The following ABHD6 variants were observed in gnomAD, a reference collection of about 807,000 sequenced individuals.
ABHD6 encodes the protein abhydrolase domain containing 6, acylglycerol lipase.
In ABHD6, 33 loss-of-function variants were observed where a neutral mutation model predicts 38.8. That is an observed-to-expected ratio of 0.85 (90% confidence interval 0.64 to 1.14). The LOEUF is 1.14. Among genes scored for constraint, ABHD6 ranks in the 50% most tolerant of loss-of-function variants. The pLI, the probability that ABHD6 is intolerant of heterozygous loss-of-function variation, is 0.00. For missense variants in ABHD6, 380 were observed against 422.6 expected (o/e 0.90, Z 0.88); for synonymous variants, 147 against 161.6 (o/e 0.91, Z 0.69).
rs1055915392 is a variant in ABHD6 at position 58,251,367 on chromosome 3, G to A, written c.-26+1425G>A. Among the ~76,000 whole-genome samples the A allele has an allele frequency of 4.6e-5, 7 of 151,870 alleles. No individual in the cohort carries two copies. Among genetic ancestry groups the A allele is most frequent in the South Asian group, 2.1e-4 (1 of 4,820 alleles). On this transcript the variant is annotated intron_variant, in intron 2 of 9. Transcript: ENST00000478253. This position sits in a 1 kb window ranked among gnomAD's most constrained non-coding sequence, Gnocchi z 5.4. ...CAGAAATCAGTAAGTCAGGCGAAGCGAGGAGAGATGTGTCTATGAGATTCT... is the reference window on the plus strand; with the variant it reads ...CAGAAATCAGTAAGTCAGGCGAAGCAAGGAGAGATGTGTCTATGAGATTCT...
chr3:58,293,643 G>C lies in ABHD6; in HGVS notation c.892G>C (p.Val298Leu). The change falls in exon 10 of 10, where the codon GTG (valine) becomes CTG (leucine). Residue 298 changes from valine to leucine, a missense_variant. Transcript: ENST00000478253. This position sits in a 1 kb window ranked among gnomAD's most constrained non-coding sequence, Gnocchi z 4.4. Reference sequence around the variant, plus strand: ...GGCCAAGTCAATTGCCAACTGCCAGGTGGAGCTTCTGGAAAACTGTGGGCA... The same window carrying C: ...GGCCAAGTCAATTGCCAACTGCCAGCTGGAGCTTCTGGAAAACTGTGGGCA... Reference protein sequence around the residue: ...MLAKSIANCQVELLENCGHSV... With the variant: ...MLAKSIANCQLELLENCGHSV... 1 of 1,614,218 alleles carries C rather than the reference G, an allele frequency of 6.2e-7. No homozygotes were observed. The highest frequency in any genetic ancestry group is 8.5e-7 in the Non-Finnish European group (1 of 1,180,042).
In ABHD6 at chr3:58,257,040, T is replaced by C. The variant is rs540829549; in HGVS notation, c.119+335T>C. ...TGCTTCAGCCTCCAAGTAGCTGAGA[T>C]TTTACAGGTGTATGCCACCACGCCC... On this transcript the variant is annotated intron_variant, in intron 3 of 9. Coordinates refer to ENST00000478253, the MANE Select transcript of ABHD6 (RefSeq NM_001320126.2). This position sits in a 1 kb window ranked among gnomAD's most constrained non-coding sequence, Gnocchi z 4.8. Among the ~76,000 whole-genome samples, 1 of 152,018 alleles carries C rather than the reference T, an allele frequency of 6.6e-6. No homozygotes were observed. The highest frequency in any genetic ancestry group is 2.0e-4 in the East Asian group (1 of 5,120).
At chr3:58,290,767 C>T (rs2097461970) in intron 9 of ABHD6, among the ~76,000 whole-genome samples, 2 of 151,434 alleles carry the variant, frequency 1.3e-5, no homozygotes, top group Admixed American at 1.3e-4. Context: ...GCGCTCTCCA[C>T]ATCTCAGACA....
At chr3:58,240,949 C>T (rs557623165) in intron 1 of ABHD6, among the ~76,000 whole-genome samples, 62 of 151,988 alleles carry the variant, frequency 4.1e-4, no homozygotes, top group African/African-American at 1.4e-3. Context: ...AGGCTGGTCT[C>T]GAACTCCCGA....
At chr3:58,286,840 G>GTATATATA (rs1261741081) in intron 9 of ABHD6, among the ~76,000 whole-genome samples, 14 of 36,422 alleles carry the variant, frequency 3.8e-4, no homozygotes, top group African/African-American at 1.7e-3. Flanking sequence ...GTGTGTGTGT[G>GTATATATA]TGTGTGTGTG....
At chr3:58,275,931 G>A (rs905141814) in intron 7 of ABHD6, among the ~76,000 whole-genome samples, 1 of 152,076 alleles carries the variant, frequency 6.6e-6, no homozygotes, top group Non-Finnish European at 1.5e-5. Flanking sequence ...CCATGTCCCT[G>A]TAAAGGACAT....
intron 3 of ABHD6, among the ~76,000 whole-genome samples, chr3:58,262,856 G>A (rs1421262496): frequency 2.0e-5 from 3 of 152,108 alleles, no homozygotes; most frequent in Non-Finnish European, 4.4e-5. Context: ...GATCATCTGA[G>A]GTCAGGAGTT....
rs958853247 is a variant in ABHD6, at chr3:58,264,449, G to A, written c.120-2740G>A. 2.4e-4 allele frequency among the ~76,000 whole-genome samples: 24 copies of A among 100,616 alleles called. 1 individual carries two copies. The highest frequency in any genetic ancestry group is 1.1e-3 in the African/African-American group (18 of 16,626). The allele number at this position is 100,616 out of a possible 152,430, so 66.0% of individuals were successfully genotyped here. ...CACACACACACACACACACACATAT[G>A]CCAGGTGCAGTGGCTCAGTGGCAGG... On this transcript the variant is annotated intron_variant, in intron 3 of 9. Transcript: ENST00000478253.
At chr3:58,275,782 A>G (rs1373412915) in intron 7 of ABHD6, among the ~76,000 whole-genome samples, 1 of 152,026 alleles carries the variant, frequency 6.6e-6, no homozygotes, top group Non-Finnish European at 1.5e-5. Context: ...TCCTAATGCT[A>G]TCCTTCCCCC....
chr3:58,240,900 T>G (rs2097422339), intron 1 of ABHD6, among the ~76,000 whole-genome samples: 8 of 151,964 alleles, frequency 5.3e-5, no homozygotes, highest in Admixed American at 5.2e-4. Context: ...CTGGCTAATT[T>G]TGTATTTTTA....
chr3:58,286,001 C>G (rs2097456604), intron 9 of ABHD6, among the ~76,000 whole-genome samples: 1 of 139,690 alleles, frequency 7.2e-6, no homozygotes, highest in Admixed American at 7.3e-5. Context: ...CCATGCTCAC[C>G]TAATTTTTGT....
intron 7 of ABHD6, among the ~76,000 whole-genome samples, chr3:58,280,230 CA>C (rs2097452095): frequency 6.6e-6 from 1 of 152,192 alleles, no homozygotes. Context: ...GTACATCAGT[CA>C]AACATAGATT....
Position 58,285,357 on chromosome 3 carries a change from T to C in ABHD6, c.741T>C (p.Phe247=), listed in dbSNP as rs1419213455. 3.1e-6 allele frequency: 5 copies of C among 1,613,956 alleles called. No homozygotes were observed. Among genetic ancestry groups the C allele is most frequent in the Non-Finnish European group, 4.2e-6 (5 of 1,179,930 alleles). The change falls in exon 9 of 10, where the codon TTT becomes TTC. Residue 247 remains phenylalanine, a synonymous_variant. Transcript: ENST00000478253. The surrounding 1 kb of genome is among the most constrained non-coding windows in gnomAD (Gnocchi z 4.9). ...IPHNNFYRKL[F]LEIVSEKSRY... ...TTGTTTTCCTTTTCTGACAAGTGTT[T>C]TTGGAAATCGTCAGTGAGAAGTCCA... is the stretch of plus-strand genomic sequence containing the variant.
In ABHD6 at chr3:58,251,926, C is replaced by G. The variant is rs1386315858; in HGVS notation, c.-26+1984C>G. ...TTAGGAAAGAAGATTCTTGTGGGAG[C>G]AAGCCAAATCCTACTCTTTAATTGC... On this transcript the variant is annotated intron_variant, in intron 2 of 9. Coordinates refer to ENST00000478253, the MANE Select transcript of ABHD6 (RefSeq NM_001320126.2). This position sits in a 1 kb window ranked among gnomAD's most constrained non-coding sequence, Gnocchi z 5.4. Among the ~76,000 whole-genome samples, 6 of 152,186 alleles carry G rather than the reference C, an allele frequency of 3.9e-5. No homozygotes were observed. Among genetic ancestry groups the G allele is most frequent in the Non-Finnish European group, 8.8e-5 (6 of 68,038 alleles).
intron 7 of ABHD6, among the ~76,000 whole-genome samples, chr3:58,280,723 G>C (rs140098397): frequency 3.9e-5 from 6 of 152,346 alleles, no homozygotes; most frequent in African/African-American, 1.4e-4. Context: ...CCCCATCTTT[G>C]TGGTTGTATC....
chr3:58,276,477 T>C (rs112015230), intron 7 of ABHD6, among the ~76,000 whole-genome samples: 62,517 of 151,844 alleles, frequency 0.41, 13,615 homozygotes, highest in African/African-American at 0.56. Flanking sequence ...TTTTTTCTGA[T>C]AAATTTGTTT....
intron 2 of ABHD6, among the ~76,000 whole-genome samples, chr3:58,254,272 C>G (rs2097431760): frequency 6.6e-6 from 1 of 152,160 alleles, no homozygotes; most frequent in African/African-American, 2.4e-5. Flanking sequence ...GGTTGATGTG[C>G]TATATCAAGG....
chr3:58,241,123 G>A (rs183141202), intron 1 of ABHD6, among the ~76,000 whole-genome samples: 27 of 152,272 alleles, frequency 1.8e-4, no homozygotes, highest in East Asian at 5.8e-4. Flanking sequence ...GCTGCTAAAC[G>A]TCCTACGATG....
intron 1 of ABHD6, among the ~76,000 whole-genome samples, chr3:58,240,023 G>A (rs376244568): frequency 7.2e-4 from 109 of 151,584 alleles, no homozygotes; most frequent in African/African-American, 2.5e-3. Context: ...GTGGTGTTGC[G>A]TACCTGTAGT....
Sources: allele counts gnomAD v4.1 joint callset (sites outside exome capture counted in the v4.1 genomes callset), GRCh38; gene constraint gnomAD v4.1.1; non-coding constraint Gnocchi (gnomAD v3.1); transcripts MANE v1.5; gene names NCBI Gene and HGNC (gene_info 2026-07-23, HGNC 2026-07-21).